Variants in DENND1B observed in about 807,000 individuals in gnomAD.
DENND1B encodes the protein DENN domain-containing protein 1B.
Under a neutral mutation model 90.1 loss-of-function variants are expected in DENND1B, and 59 were observed. The ratio of observed to expected loss-of-function variants is 0.65; its 90% CI spans 0.53 to 0.81. The LOEUF is 0.81. DENND1B is among the 40% of genes least tolerant of loss of function. DENND1B has a pLI of 0.00. For missense variants in DENND1B, 862 were observed against 912.6 expected (o/e 0.94, Z 0.71); for synonymous variants, 337 against 324.6 (o/e 1.04, Z -0.41).
intron 2 of DENND1B, among the ~76,000 whole-genome samples, chr1:197,751,311 C>T (rs1653472449): frequency 6.6e-6 from 1 of 152,126 alleles, no homozygotes; most frequent in South Asian, 2.1e-4. Context: ...AAAGTAAGCA[C>T]TTCATTTCTA....
chr1:197,714,991 CT>C (rs1186225606), intron 3 of DENND1B, 39 bp downstream of exon 3: 1 of 1,502,374 alleles, frequency 6.7e-7, no homozygotes, highest in Non-Finnish European at 9.2e-7. Context: ...AATCATAATA[CT>C]TCAACTTTAA....
intron 12 of DENND1B, among the ~76,000 whole-genome samples, chr1:197,610,567 G>A (rs1181239572): frequency 2.0e-5 from 3 of 150,464 alleles, no homozygotes; most frequent in African/African-American, 2.4e-5. Context: ...ATTAAGAAGC[G>A]ACAAGTACAC....
chr1:197,690,188 C>A, intron 3 of DENND1B: 1 of 290,678 alleles, frequency 3.4e-6, no homozygotes. Flanking sequence ...ATGTGGGCTT[C>A]GATGTCAAGA....
intron 10 of DENND1B, among the ~76,000 whole-genome samples, chr1:197,626,594 C>G (rs555224695): frequency 6.6e-6 from 1 of 152,038 alleles, no homozygotes; most frequent in African/African-American, 2.4e-5. Context: ...AAAATTGACA[C>G]CCTAACATCA....
At chr1:197,522,475 C>T (rs1668844966) in intron 20 of DENND1B, among the ~76,000 whole-genome samples, 1 of 152,104 alleles carries the variant, frequency 6.6e-6, no homozygotes, top group Non-Finnish European at 1.5e-5. Flanking sequence ...GAATCCTTGT[C>T]AGTTTTATTC....
intron 3 of DENND1B, among the ~76,000 whole-genome samples, chr1:197,706,008 C>CTTTA: frequency 1.3e-5 from 2 of 151,890 alleles, no homozygotes; most frequent in Middle Eastern, 3.4e-3. Flanking sequence ...ATTTCTAAGT[C>CTTTA]AGATTGACTT....
chr1:197,749,844 G>A (rs939275745), intron 2 of DENND1B, among the ~76,000 whole-genome samples: 2 of 150,870 alleles, frequency 1.3e-5, no homozygotes, highest in Non-Finnish European at 2.9e-5. Context: ...TTTTGTTGTT[G>A]TTTGTTTGTT....
chr1:197,672,211 G>A, intron 4 of DENND1B, 55 bp from the exon 5 acceptor site: 3 of 1,538,136 alleles, frequency 2.0e-6, no homozygotes, highest in Non-Finnish European at 2.6e-6. Flanking sequence ...TTTTCTTCAA[G>A]AAAAACAAAA....
chr1:197,686,423 A>G (rs1315674733), intron 3 of DENND1B, among the ~76,000 whole-genome samples: 1 of 152,132 alleles, frequency 6.6e-6, no homozygotes, highest in Non-Finnish European at 1.5e-5. Context: ...AAAGCATAAT[A>G]CATTCAACAA....
intron 2 of DENND1B, 140 bp from the exon 3 acceptor site, chr1:197,715,214 G>A (rs1373520452): frequency 1.5e-5 from 8 of 534,530 alleles, no homozygotes; most frequent in Non-Finnish European, 2.3e-5. Context: ...TATAGTTGAT[G>A]ACATTCACTT....
intron 5 of DENND1B, among the ~76,000 whole-genome samples, chr1:197,665,896 T>C (rs1654893085): frequency 6.6e-6 from 1 of 152,148 alleles, no homozygotes; most frequent in African/African-American, 2.4e-5. Flanking sequence ...CATCAATTAA[T>C]TTCTGTCCAA....
At chr1:197,683,072 T>C (rs983737262) in intron 3 of DENND1B, among the ~76,000 whole-genome samples, 3 of 152,114 alleles carry the variant, frequency 2.0e-5, no homozygotes, top group Non-Finnish European at 4.4e-5. Context: ...TCAGAATGGA[T>C]ATTAAATAGA....
At chr1:197,536,472 T>C (rs888553062) in intron 20 of DENND1B, among the ~76,000 whole-genome samples, 1 of 152,150 alleles carries the variant, frequency 6.6e-6, no homozygotes, top group African/African-American at 2.4e-5. Flanking sequence ...TTGGCTATCA[T>C]TTCAAAGCAG....
chr1:197,709,889 C>T (rs1376239213), intron 3 of DENND1B, among the ~76,000 whole-genome samples: 2 of 136,696 alleles, frequency 1.5e-5, no homozygotes, highest in Admixed American at 1.5e-4. Context: ...GGAAGATCTA[C>T]CAAGCCAATG....
intron 3 of DENND1B, among the ~76,000 whole-genome samples, chr1:197,713,952 C>CTATA (rs1660358188): frequency 3.5e-4 from 1 of 2,868 alleles, no homozygotes; most frequent in Admixed American, 4.0e-3. Flanking sequence ...TACATATACA[C>CTATA]CAATAATAAA....
intron 15 of DENND1B, among the ~76,000 whole-genome samples, chr1:197,555,750 T>C (rs1454787012): frequency 6.6e-6 from 1 of 152,096 alleles, no homozygotes; most frequent in Non-Finnish European, 1.5e-5. Context: ...TTATACACTG[T>C]CGGTGAGAGT....
chr1:197,699,522 T>A (rs1188199989), intron 3 of DENND1B, among the ~76,000 whole-genome samples: 1 of 152,056 alleles, frequency 6.6e-6, no homozygotes, highest in African/African-American at 2.4e-5. Context: ...CCTCTCTCAC[T>A]ACTCCTATTC....
chr1:197,668,731 T>C (rs1655190618), intron 5 of DENND1B, among the ~76,000 whole-genome samples: 1 of 151,944 alleles, frequency 6.6e-6, no homozygotes, highest in Non-Finnish European at 1.5e-5. Context: ...AATACCTTTG[T>C]TCATACTTTT....
chr1:197,617,513 TCA>T, intron 11 of DENND1B, 144 bp downstream of exon 11: 1 of 604,816 alleles, frequency 1.7e-6, no homozygotes, highest in South Asian at 2.0e-5. Flanking sequence ...ATTCTGTCCT[TCA>T]TAAAAGCCAT....
Sources: gnomAD v4.1 joint callset for allele counts (sites outside exome capture counted in the v4.1 genomes callset) on GRCh38, gnomAD v4.1.1 for gene constraint, MANE v1.5 for transcripts, NCBI Gene and HGNC (gene_info 2026-07-23, HGNC 2026-07-21) for gene names.